The following CCDC88C variants were observed in gnomAD, a reference collection of about 807,000 sequenced individuals.
CCDC88C encodes the protein coiled-coil and HOOK domain protein 88C, also known as protein Daple.
In CCDC88C, 131 loss-of-function variants were observed where a neutral mutation model predicts 198.8. That is an observed-to-expected ratio of 0.66 (90% CI 0.57 to 0.76). The LOEUF (loss-of-function observed/expected upper bound fraction) is 0.76, where lower values mean the gene tolerates loss of function less well. Ranked by LOEUF, CCDC88C falls within the 30% of genes least tolerant of loss-of-function variation. The pLI, the probability that CCDC88C is intolerant of heterozygous loss-of-function variation, is 0.00. For missense variants in CCDC88C, 2,553 were observed against 2,631.6 expected (o/e 0.97, Z 0.65); for synonymous variants, 1,166 against 1,114.7 (o/e 1.05, Z -0.92).
At chr14:91,286,010 G>A (rs1890392384) in intron 25 of CCDC88C, among the ~76,000 whole-genome samples, 1 of 152,170 alleles carries the variant, frequency 6.6e-6, no homozygotes, top group Non-Finnish European at 1.5e-5. Context: ...AACAGAATCA[G>A]GGCTCAGTAA....
Position 91,305,757 on chromosome 14 carries a change from C to T in CCDC88C, c.3357+8G>A. The stretch of plus-strand genomic sequence containing the variant: ...CTTGTGACCACTGGTGTTGGGAGCC[C>T]CGCTCACCTGCAGCTTGGCGGTCTG... On this transcript the variant is annotated splice_region_variant and intron_variant, in intron 19 of 29. Coordinates refer to ENST00000389857, the MANE Select transcript of CCDC88C (RefSeq NM_001080414.4). 1 of 1,596,262 alleles carries T rather than the reference C, an allele frequency of 6.3e-7. No individual in the cohort carries two copies. Among genetic ancestry groups the T allele is most frequent in the Non-Finnish European group, 8.6e-7 (1 of 1,165,152 alleles).
chr14:91,295,956 C>A (rs187314523), intron 22 of CCDC88C, among the ~76,000 whole-genome samples: 1 of 152,170 alleles, frequency 6.6e-6, no homozygotes, highest in Non-Finnish European at 1.5e-5. Flanking sequence ...TGAGCCCGCA[C>A]AGAGAAAAAG....
At position 91,377,158 on chromosome 14, in the gene CCDC88C, T is replaced by C. The variant is rs576800567; in HGVS notation, c.271-17447A>G. Among the ~76,000 whole-genome samples, 5 of 152,318 alleles carry C rather than the reference T, an allele frequency of 3.3e-5. No individual in the cohort carries two copies. The East Asian group carries it at 7.7e-4, about 23-fold the overall frequency. ...CCTCAGACTGCCTGCCCTGAGCTTT[T>C]CTCAGGAGGAGGGGGTGGCAGTGGC... On this transcript the variant is annotated intron_variant, in intron 3 of 29. Transcript: ENST00000389857.
intron 3 of CCDC88C, chr14:91,408,274 A>G: frequency 4.9e-6 from 1 of 206,050 alleles, no homozygotes; most frequent in Non-Finnish European, 1.0e-5. Flanking sequence ...CAACCCTTGA[A>G]TGGCTCCTGT....
chr14:91,399,043 G>C (rs1411243859), intron 3 of CCDC88C, among the ~76,000 whole-genome samples: 1 of 152,100 alleles, frequency 6.6e-6, no homozygotes, highest in African/African-American at 2.4e-5. Flanking sequence ...CTCTCCCTCT[G>C]GTCCTCCCAC....
chr14:91,275,844 C>T (rs1442782344), intron 29 of CCDC88C, among the ~76,000 whole-genome samples: 6 of 77,772 alleles, frequency 7.7e-5, no homozygotes, highest in South Asian at 4.3e-4. Context: ...TTTTTTGAGA[C>T]GGAGTTTCGC....
chr14:91,340,588 G>A (rs774615515), intron 6 of CCDC88C, among the ~76,000 whole-genome samples: 5 of 152,038 alleles, frequency 3.3e-5, no homozygotes, highest in Non-Finnish European at 7.4e-5. Flanking sequence ...ACACAGCTCT[G>A]TCTACGTGAA....
At position 91,284,676 on chromosome 14, in the gene CCDC88C, A is replaced by AT. The variant is rs1890333027; in HGVS notation, c.4442-1160dup. 6.6e-6 allele frequency among the ~76,000 whole-genome samples: 1 copy of AT among 152,224 alleles called. No individual in the cohort carries two copies. Among genetic ancestry groups the AT allele is most frequent in the African/African-American group, 2.4e-5 (1 of 41,452 alleles). ...GCTCATGAGATGAAGTCAGTGGCAC[A>AT]TTAACCGACTCTCATATTTTAGTAA... On this transcript the variant is annotated intron_variant, in intron 25 of 29. Coordinates refer to ENST00000389857, the MANE Select transcript of CCDC88C (RefSeq NM_001080414.4). The surrounding 1 kb of genome is among the most constrained non-coding windows in gnomAD (Gnocchi z 4.1).
chr14:91,390,420 C>T (rs1885437559), intron 3 of CCDC88C, among the ~76,000 whole-genome samples: 1 of 152,204 alleles, frequency 6.6e-6, no homozygotes, highest in Admixed American at 6.5e-5. Context: ...AAGTATGCCC[C>T]GTGCTCTGTG....
At chr14:91,366,204 G>C (rs893935503) in intron 3 of CCDC88C, among the ~76,000 whole-genome samples, 1 of 116,948 alleles carries the variant, frequency 8.6e-6, no homozygotes, top group African/African-American at 2.8e-5. Context: ...ACACACACAG[G>C]GCTGGGCATG....
Position 91,340,862 on chromosome 14 carries a change from C to T in CCDC88C, c.484-838G>A, listed in dbSNP as rs183429396. ...ACAAAAAATTTAAAAATTAGCCGGGCGAGGTGGCATGCACCTGTGGTCCCA... is the reference window on the plus strand; with the variant it reads ...ACAAAAAATTTAAAAATTAGCCGGGTGAGGTGGCATGCACCTGTGGTCCCA... On this transcript the variant is annotated intron_variant, in intron 6 of 29. Transcript: ENST00000389857. Among the ~76,000 whole-genome samples the T allele has an allele frequency of 5.9e-5, 9 of 152,088 alleles. No homozygotes were observed. The East Asian group carries it at 7.7e-4, about 13-fold the overall frequency.
At chr14:91,337,777 T>C (rs1893112863) in intron 10 of CCDC88C, among the ~76,000 whole-genome samples, 1 of 152,232 alleles carries the variant, frequency 6.6e-6, no homozygotes, top group Non-Finnish European at 1.5e-5. Context: ...CCTGAATCAC[T>C]GCCTTACATC....
Position 91,305,505 on chromosome 14 carries a change from A to G in CCDC88C, c.3357+260T>C, listed in dbSNP as rs1596048694. ...TCAAGGAAAAGACTGGAAAACATGG[A>G]CAAGAATGCAAGTAAAAGGAGAGAA... On this transcript the variant is annotated intron_variant, in intron 19 of 29. Transcript: ENST00000389857. Among the ~76,000 whole-genome samples, 5 of 152,354 alleles carry G rather than the reference A, an allele frequency of 3.3e-5. No individual in the cohort carries two copies. The South Asian group carries it at 1.0e-3, about 32-fold the overall frequency.
At chr14:91,294,496 T>G (rs1474431568) in intron 22 of CCDC88C, among the ~76,000 whole-genome samples, 178 bp from the exon 23 acceptor site, 1 of 152,234 alleles carries the variant, frequency 6.6e-6, no homozygotes, top group African/African-American at 2.4e-5. Flanking sequence ...CTGAGTTCCC[T>G]CTGCAGCTGC....
At chr14:91,289,713 A>G (rs1295639061) in intron 24 of CCDC88C, among the ~76,000 whole-genome samples, 3 of 152,196 alleles carry the variant, frequency 2.0e-5, no homozygotes, top group Non-Finnish European at 4.4e-5. Context: ...ATAAGCTGGC[A>G]TTCCCTTGAC....
rs376412313 is a variant in CCDC88C, at chr14:91,273,409, G to C, written c.5303C>G (p.Pro1768Arg). ...GCTCTGGGGAGGCTGGGCCTGTCTC[G>C]GGGCCACGCTGGGTGGGGCCTCGGC... ...TEAEAPPSVA[P>R]RQAQPPQSLS... The change falls in exon 30 of 30, where the codon CCG becomes CGG. Residue 1768 changes from proline (P) to arginine (R), a missense_variant. By Grantham distance (103) the Pro-to-Arg change is moderately radical (BLOSUM62 -2). Transcript: ENST00000389857. This position sits in a 1 kb window ranked among gnomAD's most constrained non-coding sequence, Gnocchi z 5.6. 6 of 1,552,222 alleles carry C rather than the reference G, an allele frequency of 3.9e-6. No individual in the cohort carries two copies. The highest frequency in any genetic ancestry group is 5.2e-6 in the Non-Finnish European group (6 of 1,148,402).
At chr14:91,362,125 T>C (rs903491737) in intron 3 of CCDC88C, among the ~76,000 whole-genome samples, 1 of 151,906 alleles carries the variant, frequency 6.6e-6, no homozygotes, top group African/African-American at 2.4e-5. Context: ...CGTCAGCTAT[T>C]TGGGAGGCTG....
At chr14:91,275,890 C>CGACTCA (rs1413012590) in intron 29 of CCDC88C, among the ~76,000 whole-genome samples, 2 of 138,866 alleles carry the variant, frequency 1.4e-5, no homozygotes, top group African/African-American at 5.5e-5. Flanking sequence ...GGCGCGATCT[C>CGACTCA]GACTCACTGC....
At chr14:91,314,258 C>T (rs1891997707) in intron 14 of CCDC88C, 108 bp from the exon 15 acceptor site, 1 of 890,982 alleles carries the variant, frequency 1.1e-6, no homozygotes, top group East Asian at 2.7e-5. Context: ...GGCTGTCCTA[C>T]CTGTGCTCAG....
Sources: gnomAD v4.1 joint callset for allele counts (sites outside exome capture counted in the v4.1 genomes callset) on GRCh38, gnomAD v4.1.1 for gene constraint, Gnocchi (gnomAD v3.1) non-coding constraint, MANE v1.5 for transcripts, NCBI Gene and HGNC (gene_info 2026-07-23, HGNC 2026-07-21) for gene names.